The following DTNA variants were observed in gnomAD, a reference collection of about 807,000 sequenced individuals.
DTNA encodes dystrophin-related protein 3.
A neutral mutation model predicts 100.7 loss-of-function variants in DTNA; 43 were observed. The observed-to-expected ratio is 0.43, with a 90% CI of 0.33 to 0.55. The LOEUF (loss-of-function observed/expected upper bound fraction) is 0.55, where lower values mean the gene tolerates loss of function less well. Ranked by LOEUF, DTNA falls within the 20% of genes least tolerant of loss-of-function variation. The pLI, the probability that DTNA is intolerant of heterozygous loss-of-function variation, is 0.04. For missense variants in DTNA, 798 were observed against 953.9 expected, an observed-to-expected ratio of 0.84 and a Z score of 2.15; for synonymous variants, 349 against 347.9, an observed-to-expected ratio of 1.00 and a Z score of -0.04.
Position 34,845,082 on chromosome 18 carries a change from A to G in DTNA, c.1347-3214A>G, listed in dbSNP as rs150192110. Among the ~76,000 whole-genome samples, 666 of 152,302 alleles carry G rather than the reference A, an allele frequency of 4.4e-3. 5 individuals are homozygous for G. Among genetic ancestry groups the G allele is most frequent in the African/African-American group, 0.016 (648 of 41,572 alleles). ...AGCTAGGGCTGGAGAAAGTGTTGGAATTGGTATTTATTTTAATGATTTAGG... is the reference window on the plus strand; with the variant it reads ...AGCTAGGGCTGGAGAAAGTGTTGGAGTTGGTATTTATTTTAATGATTTAGG... On this transcript the variant is annotated intron_variant, in intron 13 of 22. Transcript: ENST00000444659.
intron 1 of DTNA, chr18:34,557,850 G>C (rs1260803473): frequency 6.6e-6 from 1 of 152,324 alleles, no homozygotes; most frequent in Non-Finnish European, 1.5e-5. Flanking sequence ...CCCAGAGGTG[G>C]AGCCTACAGA....
intron 17 of DTNA, chr18:34,865,972 A>T: frequency 1.1e-6 from 1 of 891,988 alleles, no homozygotes; most frequent in Non-Finnish European, 1.9e-6. Context: ...TTGGAGTGAT[A>T]GTCACTGAGG....
At chr18:34,769,923 G>C (rs1391695002) in intron 3 of DTNA, among the ~76,000 whole-genome samples, 2 of 151,758 alleles carry the variant, frequency 1.3e-5, no homozygotes, top group African/African-American at 4.8e-5. Flanking sequence ...GTTTCACCAT[G>C]TTGGTCAGGC....
chr18:34,631,227 A>C (rs954119608), intron 1 of DTNA, among the ~76,000 whole-genome samples: 4 of 152,212 alleles, frequency 2.6e-5, no homozygotes, highest in Non-Finnish European at 5.9e-5. Flanking sequence ...CAAATTACTT[A>C]AGCACTCTGT....
intron 1 of DTNA, among the ~76,000 whole-genome samples, chr18:34,529,363 TAAAA>T (rs2042933105): frequency 6.6e-6 from 1 of 152,078 alleles, no homozygotes. Context: ...AAAATTTTAA[TAAAA>T]AGAAATATAA....
intron 1 of DTNA, among the ~76,000 whole-genome samples, chr18:34,502,984 A>G (rs1369916574): frequency 3.3e-5 from 5 of 152,048 alleles, no homozygotes; most frequent in African/African-American, 4.8e-5. Flanking sequence ...GAGTTTGTCT[A>G]TTTCTCGCTT....
chr18:34,504,537 A>C (rs1011545744), intron 1 of DTNA, among the ~76,000 whole-genome samples: 9 of 152,092 alleles, frequency 5.9e-5, no homozygotes, highest in Non-Finnish European at 1.0e-4. Flanking sequence ...CTGGTGACAA[A>C]ATATTTTGTT....
At chr18:34,818,390 G>T in intron 8 of DTNA, 60 bp downstream of exon 8, 1 of 1,591,226 alleles carries the variant, frequency 6.3e-7, no homozygotes, top group Non-Finnish European at 8.6e-7. Flanking sequence ...CAGAGTTAAA[G>T]GGAATATCAA....
intron 1 of DTNA, among the ~76,000 whole-genome samples, chr18:34,620,565 C>T (rs2056287711): frequency 6.6e-6 from 1 of 152,150 alleles, no homozygotes; most frequent in Non-Finnish European, 1.5e-5. Flanking sequence ...CACAGTTCTG[C>T]AGGCTATACA....
At chr18:34,832,039 G>A (rs2096022990) in intron 11 of DTNA, among the ~76,000 whole-genome samples, 1 of 152,170 alleles carries the variant, frequency 6.6e-6, no homozygotes, top group African/African-American at 2.4e-5. Flanking sequence ...GACTCAAAAA[G>A]TTCAAGCTAA....
chr18:34,532,181 CAG>C (rs932908754), intron 1 of DTNA, among the ~76,000 whole-genome samples: 2 of 152,120 alleles, frequency 1.3e-5, no homozygotes, highest in Non-Finnish European at 2.9e-5. Context: ...TAGTTTAAAA[CAG>C]GGCACACTGG....
At chr18:34,525,323 C>T (rs2042515719) in intron 1 of DTNA, among the ~76,000 whole-genome samples, 1 of 152,112 alleles carries the variant, frequency 6.6e-6, no homozygotes, top group Admixed American at 6.6e-5. Flanking sequence ...AGGTGCCATT[C>T]CTCTGCTACC....
chr18:34,614,083 C>T (rs1219122318), intron 1 of DTNA, among the ~76,000 whole-genome samples: 3 of 152,144 alleles, frequency 2.0e-5, no homozygotes, highest in Non-Finnish European at 4.4e-5. Flanking sequence ...CCCTAGGTCC[C>T]ATCAGAATAA....
At chr18:34,525,922 C>T (rs1050057075) in intron 1 of DTNA, among the ~76,000 whole-genome samples, 12 of 152,132 alleles carry the variant, frequency 7.9e-5, no homozygotes, top group Admixed American at 1.3e-4. Flanking sequence ...AAAACTGAAA[C>T]GGGGCTCAAG....
At chr18:34,701,942 A>G (rs921448004) in intron 1 of DTNA, among the ~76,000 whole-genome samples, 3 of 152,198 alleles carry the variant, frequency 2.0e-5, no homozygotes, top group Middle Eastern at 3.4e-3. Context: ...CACTCTTCAC[A>G]CCATAGACAG....
chr18:34,525,528 A>T (rs75835104), intron 1 of DTNA, among the ~76,000 whole-genome samples: 3,818 of 152,148 alleles, frequency 0.025, 84 homozygotes, highest in Non-Finnish European at 0.039. Context: ...AAATGTTTAG[A>T]TCTTTGGTTC....
At chr18:34,667,744 T>C (rs1295567508) in intron 1 of DTNA, among the ~76,000 whole-genome samples, 1 of 152,238 alleles carries the variant, frequency 6.6e-6, no homozygotes, top group African/African-American at 2.4e-5. Context: ...TTGCGTATGT[T>C]GAACCAGCCT....
At chr18:34,726,661 G>A (rs978575475) in intron 1 of DTNA, among the ~76,000 whole-genome samples, 1 of 152,224 alleles carries the variant, frequency 6.6e-6, no homozygotes, top group Non-Finnish European at 1.5e-5. Context: ...ACTGGTGCAA[G>A]GGATGGACTC....
intron 1 of DTNA, among the ~76,000 whole-genome samples, chr18:34,516,139 A>C (rs899729054): frequency 6.6e-6 from 1 of 152,122 alleles, no homozygotes; most frequent in Non-Finnish European, 1.5e-5. Flanking sequence ...TCTGAGAAAT[A>C]AAGGGAAAGA....
Sources: allele counts gnomAD v4.1 joint callset (sites outside exome capture counted in the v4.1 genomes callset), GRCh38; gene constraint gnomAD v4.1.1; transcripts MANE v1.5; gene names NCBI Gene and HGNC (gene_info 2026-07-23, HGNC 2026-07-21).